Variants in LCOR observed in about 807,000 individuals in gnomAD.
The protein encoded by LCOR is ligand dependent nuclear receptor corepressor, also known as ligand-dependent corepressor.
LCOR carries 14 observed loss-of-function variants against 64.4 expected under a neutral mutation model. The ratio of observed to expected loss-of-function variants is 0.22; its 90% CI spans 0.14 to 0.34. LCOR has a LOEUF of 0.34. Among genes scored for constraint, LCOR ranks in the 10% least tolerant of loss-of-function variants. LCOR has a pLI of 1.00. For missense variants in LCOR, 1,686 were observed against 1,765.3 expected (o/e 0.96, Z 0.80); for synonymous variants, 643 against 642.5 (o/e 1.00, Z -0.01).
chr10:96,984,269 C>T lies in LCOR; in HGVS notation c.3809C>T (p.Pro1270Leu). The T allele has an allele frequency of 6.2e-7, 1 of 1,614,132 alleles. No homozygotes were observed. Among genetic ancestry groups the T allele is most frequent in the Non-Finnish European group, 8.5e-7 (1 of 1,180,036 alleles). ...CGAGAGAATCCTGATCAAGTGGAGC[C>T]AGAAGATGGCAGTGATGTCAGCCCC... The part of the protein sequence containing the change: ...KFRENPDQVE[P>L]EDGSDVSPGP... Residue 1270 changes from proline (P) to leucine (L), a missense_variant, in exon 8 of 8, where the codon CCA becomes CTA. Pro to Leu is a moderately conservative substitution (Grantham distance 98). Coordinates refer to ENST00000421806, the MANE Select transcript of LCOR (RefSeq NM_001346516.2).
At chr10:96,844,644 C>T (rs187981076) in intron 2 of LCOR, among the ~76,000 whole-genome samples, 76 of 152,148 alleles carry the variant, frequency 5.0e-4, no homozygotes, top group Non-Finnish European at 9.9e-4. Context: ...AAATGAGTTT[C>T]TGAGCTGAAT....
Position 96,991,962 on chromosome 10 carries a change from GT to G in LCOR, c.*6831del, listed in dbSNP as rs1848204897. 1 of 152,158 alleles carries G rather than the reference GT, an allele frequency of 6.6e-6. No homozygotes were observed. Among genetic ancestry groups the G allele is most frequent in the Admixed American group, 6.5e-5 (1 of 15,282 alleles). The allele number at this position is 152,158 out of a possible 1,614,324, so 9.4% of individuals were successfully genotyped here. A position where few individuals can be genotyped will look rare whatever the true frequency, so the allele number is the denominator to read the frequency against. On this transcript the variant is annotated 3_prime_UTR_variant, in exon 8 of 8. Coordinates refer to ENST00000421806, the MANE Select transcript of LCOR (RefSeq NM_001346516.2). The stretch of plus-strand genomic sequence containing the variant: ...TTTTCCTCTAGTATTTAGTTGTTGG[GT>G]TTAAATGCTATTCAATTTATCCACT...
chr10:96,982,331 T>C lies in LCOR; in HGVS notation c.1871T>C (p.Leu624Pro), dbSNP rs7082522. Reference protein sequence around the residue: ...SSLVWPLPAHLPEEDLPEGGS... With the variant: ...SSLVWPLPAHPPEEDLPEGGS... ...CTGGTGTGGCCTCTCCCTGCTCACCTTCCTGAAGAGGACCTGCCAGAAGGT... is the reference window on the plus strand; with the variant it reads ...CTGGTGTGGCCTCTCCCTGCTCACCCTCCTGAAGAGGACCTGCCAGAAGGT... The change falls in exon 8 of 8, where the codon CTT becomes CCT. Residue 624 changes from leucine (L) to proline (P), a missense_variant. By Grantham distance (98) the Leu-to-Pro change is moderately conservative. Coordinates refer to ENST00000421806, the MANE Select transcript of LCOR (RefSeq NM_001346516.2). The C allele has an allele frequency of 2.3e-3, 3,706 of 1,614,224 alleles. 20 individuals are homozygous for C. Among genetic ancestry groups the C allele is most frequent in the African/African-American group, 0.022 (1,644 of 75,058 alleles).
At chr10:96,872,639 C>T (rs1846091076) in intron 2 of LCOR, among the ~76,000 whole-genome samples, 1 of 152,042 alleles carries the variant, frequency 6.6e-6, no homozygotes, top group East Asian at 1.9e-4. Flanking sequence ...GAGTTGAGAT[C>T]ACACCACTGC....
intron 2 of LCOR, among the ~76,000 whole-genome samples, chr10:96,903,720 T>C (rs1414357495): frequency 2.0e-5 from 3 of 152,176 alleles, no homozygotes; most frequent in Non-Finnish European, 2.9e-5. Context: ...TCGTTGGAAA[T>C]GGATTGTGAT....
chr10:96,835,433 T>C (rs909158155), intron 2 of LCOR, among the ~76,000 whole-genome samples: 16 of 152,192 alleles, frequency 1.1e-4, no homozygotes, highest in Non-Finnish European at 1.9e-4. Flanking sequence ...ATTCATAGTC[T>C]CTCAACTAAA....
intron 2 of LCOR, among the ~76,000 whole-genome samples, chr10:96,858,331 AT>A (rs1485692664): frequency 6.6e-6 from 1 of 152,192 alleles, no homozygotes; most frequent in East Asian, 1.9e-4. Context: ...CAGCAAATGG[AT>A]TAAGTAAAGG....
At chr10:96,865,599 G>A (rs1845957645) in intron 2 of LCOR, among the ~76,000 whole-genome samples, 1 of 152,104 alleles carries the variant, frequency 6.6e-6, no homozygotes, top group South Asian at 2.1e-4. Flanking sequence ...TCTGAGCCAG[G>A]CGCGGTGGCT....
At chr10:96,964,766 A>C (rs1390353630) in intron 7 of LCOR, among the ~76,000 whole-genome samples, 1 of 152,180 alleles carries the variant, frequency 6.6e-6, no homozygotes, top group East Asian at 1.9e-4. Context: ...TTTTCATAAT[A>C]CCGTCTTCTG....
chr10:96,907,669 CTG>C lies in LCOR; in HGVS notation c.-259_-258del, dbSNP rs1846753053. 2 of 974,848 alleles carry C rather than the reference CTG, an allele frequency of 2.1e-6. No individual in the cohort carries two copies. Among genetic ancestry groups the C allele is most frequent in the Non-Finnish European group, 2.4e-6 (2 of 820,090 alleles). 60.4% of individuals were successfully genotyped at this position (974,848 alleles called of 1,614,324 possible). The stretch of plus-strand genomic sequence containing the variant: ...ATTAATTTGTTACTATTTTTGCAGA[CTG>C]TGAACCTGAAAGCATTTCTGATTGG... On this transcript the variant is annotated splice_region_variant and 5_prime_UTR_variant, in exon 4 of 8. Transcript: ENST00000421806.
chr10:96,955,322 A>C, intron 7 of LCOR: 1 of 1,614,076 alleles, frequency 6.2e-7, no homozygotes, highest in Non-Finnish European at 8.5e-7. Context: ...CAAAAATGGC[A>C]CTTCAAGCAA....
In LCOR at chr10:96,981,087, G is replaced by T. The variant is rs910371067; in HGVS notation, c.627G>T (p.Ser209=). Residue 209 remains serine, a synonymous_variant, in exon 8 of 8, where the codon TCG becomes TCT. Coordinates refer to ENST00000421806, the MANE Select transcript of LCOR (RefSeq NM_001346516.2). The part of the protein sequence containing the change: ...SSASVDLFVD[S]SDSHSPLHLT... Reference sequence around the variant, plus strand: ...CTTCTGTAGATTTGTTCGTAGACTCGTCAGACTCTCACAGCCCTCTACACT... The same window carrying T: ...CTTCTGTAGATTTGTTCGTAGACTCTTCAGACTCTCACAGCCCTCTACACT... 5.7e-6 allele frequency: 4 copies of T among 703,044 alleles called. No homozygotes were observed. The East Asian group carries it at 1.1e-4, about 19-fold the overall frequency. 43.6% of individuals were successfully genotyped at this position (703,044 alleles called of 1,614,324 possible).
At chr10:96,945,517 A>G (rs1396449620) in intron 5 of LCOR, among the ~76,000 whole-genome samples, 3 of 152,114 alleles carry the variant, frequency 2.0e-5, no homozygotes, top group South Asian at 2.1e-4. Context: ...TGAGTCTCCT[A>G]TGTCTTATTA....
intron 4 of LCOR, among the ~76,000 whole-genome samples, chr10:96,920,803 G>T (rs934980939): frequency 1.4e-5 from 2 of 148,018 alleles, no homozygotes; most frequent in African/African-American, 5.0e-5. Context: ...CGCGGTGGGG[G>T]GGTGGTGGGC....
chr10:96,981,156 T>G lies in LCOR; in HGVS notation c.696T>G (p.Pro232=). The G allele has an allele frequency of 1.4e-6, 1 of 710,996 alleles. No homozygotes were observed. Among genetic ancestry groups the G allele is most frequent in the Non-Finnish European group, 2.5e-6 (1 of 392,262 alleles). 44.0% of individuals were successfully genotyped at this position (710,996 alleles called of 1,614,324 possible). The change falls in exon 8 of 8, where the codon CCT becomes CCG. Residue 232 remains proline (P), a synonymous_variant. Transcript: ENST00000421806. ...TPKKPPPEIN[P]VDGRENALTV... is the part of the protein sequence containing the mutation. ...AGAAGCCTCCTCCTGAGATAAACCC[T>G]GTAGATGGAAGAGAGAATGCCTTGA...
Position 96,982,237 on chromosome 10 carries a change from G to A in LCOR, c.1777G>A (p.Val593Ile). Residue 593 changes from valine (V) to isoleucine (I), a missense_variant, in exon 8 of 8, where the codon GTT becomes ATT. Val to Ile is a conservative substitution (Grantham distance 29). Coordinates refer to ENST00000421806, the MANE Select transcript of LCOR (RefSeq NM_001346516.2). ...TCGAAAAGAACCTCAAGAGCCTGAG[G>A]TTTGCCCCACAAAGATTAAGCCGAA... ...SPRKEPQEPEVCPTKIKPNLS... is the reference protein window; with the variant it reads ...SPRKEPQEPEICPTKIKPNLS... 3 of 1,614,186 alleles carry A rather than the reference G, an allele frequency of 1.9e-6. No homozygotes were observed. The highest frequency in any genetic ancestry group is 1.1e-5 in the South Asian group (1 of 91,088).
At chr10:96,886,975 G>A (rs1482807562) in intron 2 of LCOR, among the ~76,000 whole-genome samples, 1 of 152,152 alleles carries the variant, frequency 6.6e-6, no homozygotes, top group African/African-American at 2.4e-5. Context: ...GACAAAAATG[G>A]ATTGATTTGA....
At chr10:96,847,598 C>T (rs7893564) in intron 2 of LCOR, among the ~76,000 whole-genome samples, 20,985 of 151,964 alleles carry the variant, frequency 0.14, 1,962 homozygotes, top group African/African-American at 0.26. Flanking sequence ...TGTGCCACCA[C>T]GCCTGGCTAA....
chr10:96,970,013 G>A (rs1452458831), intron 7 of LCOR, among the ~76,000 whole-genome samples: 20 of 131,992 alleles, frequency 1.5e-4, no homozygotes, highest in Non-Finnish European at 2.9e-4. Flanking sequence ...GGATGGTCTC[G>A]ATCTCCTGAC....
Sources: allele counts gnomAD v4.1 joint callset (sites outside exome capture counted in the v4.1 genomes callset), GRCh38; gene constraint gnomAD v4.1.1; transcripts MANE v1.5; gene names NCBI Gene and HGNC (gene_info 2026-07-23, HGNC 2026-07-21).